Variants in HEATR1 observed in about 807,000 individuals in gnomAD.
The protein encoded by HEATR1 is HEAT repeat-containing protein 1.
HEATR1 carries 77 observed loss-of-function variants against 248.2 expected under a neutral mutation model. The ratio of observed to expected loss-of-function variants is 0.31; its 90% CI spans 0.26 to 0.37. HEATR1 has a LOEUF of 0.37. Among genes scored for constraint, HEATR1 ranks in the 10% least tolerant of loss-of-function variants. HEATR1 has a pLI of 1.00. For synonymous variants in HEATR1, 897 were observed against 923.1 expected, an observed-to-expected ratio of 0.97 and a Z score of 0.51; for missense variants, 2,420 against 2,504.9, an observed-to-expected ratio of 0.97 and a Z score of 0.72.
chr1:236,598,536 A>C (rs1664234762), intron 4 of HEATR1, among the ~76,000 whole-genome samples: 1 of 152,208 alleles, frequency 6.6e-6, no homozygotes, highest in Non-Finnish European at 1.5e-5. Flanking sequence ...TCCAAGGTAG[A>C]TTAGAGGAAG....
At chr1:236,574,562 T>A in intron 23 of HEATR1, 99 bp downstream of exon 23, 1 of 1,405,088 alleles carries the variant, frequency 7.1e-7, no homozygotes, top group Non-Finnish European at 9.6e-7. Context: ...CTTCTCCAAA[T>A]AAAATATTAA....
chr1:236,581,100 G>A, intron 20 of HEATR1, 122 bp downstream of exon 20: 1 of 753,292 alleles, frequency 1.3e-6, no homozygotes, highest in Non-Finnish European at 2.1e-6. Flanking sequence ...TTACAGGCGT[G>A]AGATACCGCG....
At chr1:236,574,116 A>G in intron 24 of HEATR1, 86 bp downstream of exon 24, 2 of 1,241,518 alleles carry the variant, frequency 1.6e-6, no homozygotes, top group Non-Finnish European at 2.2e-6. Flanking sequence ...TACAAGCACT[A>G]TAAAATACAG....
Position 236,571,617 on chromosome 1 carries a change from C to T in HEATR1, c.3777G>A (p.Leu1259=). ...GAGATAGTTTTTGGCAGATGTTGAG[C>T]AGACAACTAAGAATTAATTGTTTGG... ...EYTKQLILSC[L]LNICQKLSPD... is the part of the protein sequence containing the mutation. Residue 1259 remains leucine (L), a synonymous_variant, in exon 27 of 45, where the codon CTG becomes CTA. Coordinates refer to ENST00000366582, the MANE Select transcript of HEATR1 (RefSeq NM_018072.6). 1.9e-6 allele frequency: 3 copies of T among 1,614,138 alleles called. No homozygotes were observed. The highest frequency in any genetic ancestry group is 2.5e-6 in the Non-Finnish European group (3 of 1,179,942).
At chr1:236,585,781 G>T (rs374037881) in intron 16 of HEATR1, 39 bp downstream of exon 16, 10 of 1,597,122 alleles carry the variant, frequency 6.3e-6, no homozygotes, top group Non-Finnish European at 7.7e-6. Context: ...AAGAGTATGA[G>T]AAAGAAATCC....
chr1:236,563,272 C>CT (rs1046287964), intron 32 of HEATR1, among the ~76,000 whole-genome samples: 5 of 151,806 alleles, frequency 3.3e-5, no homozygotes, highest in South Asian at 4.2e-4. Context: ...GAGTTTTTTC[C>CT]TTTTTTTTAT....
rs1664268351 is a variant in HEATR1 at position 236,599,757 on chromosome 1, A to G, written c.360-133T>C. 5.0e-6 allele frequency: 4 copies of G among 799,642 alleles called. No homozygotes were observed. The South Asian group carries it at 7.1e-5, about 14-fold the overall frequency. 49.5% of individuals were successfully genotyped at this position (799,642 alleles called of 1,614,324 possible). A position where few individuals can be genotyped will look rare whatever the true frequency, so the allele number is the denominator to read the frequency against. On this transcript the variant is annotated intron_variant, in intron 3 of 44. Coordinates refer to ENST00000366582, the MANE Select transcript of HEATR1 (RefSeq NM_018072.6). ...GAGTAGCAGTAAAAATCACAAAATT[A>G]TAAGATACAGAGCATTTAAAAAGTC...
chr1:236,592,560 C>G lies in HEATR1; in HGVS notation c.1267G>C (p.Glu423Gln), dbSNP rs1176770420. The G allele has an allele frequency of 1.3e-6, 2 of 1,507,028 alleles. No homozygotes were observed. Among genetic ancestry groups the G allele is most frequent in the Admixed American group, 3.4e-5 (2 of 59,172 alleles). The allele number at this position is 1,507,028 out of a possible 1,614,324, so 93.4% of individuals were successfully genotyped here. ...MDSNKVSLLN[E>Q]QFLPLIRLLE... ...AGCCTAATGAGTGGAAGAAATTGTT[C>G]ATTAAGCAAAGACACTTTATTAGAA... is the stretch of plus-strand genomic sequence containing the variant. Residue 423 changes from glutamate (E) to glutamine (Q), a missense_variant, in exon 10 of 45, where the codon GAA (glutamate) becomes CAA (glutamine). Glu to Gln is a conservative substitution (Grantham distance 29). Transcript: ENST00000366582.
chr1:236,586,186 GTTTTC>G (rs1663879464), intron 15 of HEATR1, 50 bp downstream of exon 15: 3 of 1,418,050 alleles, frequency 2.1e-6, no homozygotes, highest in Admixed American at 4.6e-5. Flanking sequence ...AATTTTCCTT[GTTTTC>G]TTTTGTGTTA....
Position 236,574,802 on chromosome 1 carries a change from G to A in HEATR1, c.3186C>T (p.Leu1062=). The A allele has an allele frequency of 1.2e-6, 2 of 1,614,024 alleles. No homozygotes were observed. The highest frequency in any genetic ancestry group is 1.7e-6 in the Non-Finnish European group (2 of 1,179,898). ...VLKDEAMVLH[L]TLGKYNEFSV... is the part of the protein sequence containing the mutation. ...AAAATTCATTATACTTTCCCAGAGT[G>A]AGATGCAGAACCATGGCCTCATCTT... Residue 1062 remains leucine, a synonymous_variant, in exon 23 of 45, where the codon CTC becomes CTT. Coordinates refer to ENST00000366582, the MANE Select transcript of HEATR1 (RefSeq NM_018072.6).
Position 236,555,952 on chromosome 1 carries a change from C to T in HEATR1, c.5515-13G>A, listed in dbSNP as rs779315262. On this transcript the variant is annotated splice_polypyrimidine_tract_variant and intron_variant, in intron 38 of 44. Coordinates refer to ENST00000366582, the MANE Select transcript of HEATR1 (RefSeq NM_018072.6). ...GACCCATGTGATTCTACCAATAACA[C>T]AGGAAAGAGATGTGCCATTTTCAAA... 3.7e-6 allele frequency: 6 copies of T among 1,613,492 alleles called. No individual in the cohort carries two copies. The highest frequency in any genetic ancestry group is 5.1e-6 in the Non-Finnish European group (6 of 1,179,374).
chr1:236,554,822 G>C, intron 41 of HEATR1, 70 bp from the exon 42 acceptor site: 1 of 1,309,182 alleles, frequency 7.6e-7, no homozygotes, highest in Non-Finnish European at 1.1e-6. Context: ...TGTTTACATT[G>C]AAATCACTAT....
At position 236,558,339 on chromosome 1, in the gene HEATR1, G is replaced by A. The variant is rs538257249; in HGVS notation, c.5102C>T (p.Ala1701Val). 1.2e-5 allele frequency: 20 copies of A among 1,614,122 alleles called. No homozygotes were observed. In the Admixed American group the frequency reaches 2.7e-4, roughly 22 times the overall value. The part of the protein sequence containing the change: ...PVLNTAVKLI[A>V]PERKEEKNVL... ...ATTCTTCTCCTCCTTTCTCTCTGGA[G>A]CAATCAGTTTCACAGCAGTGTTCAG... Residue 1701 changes from alanine (A) to valine (V), a missense_variant, in exon 36 of 45, where the codon GCT (alanine) becomes GTT (valine). Transcript: ENST00000366582.
intron 25 of HEATR1, 26 bp from the exon 26 acceptor site, chr1:236,572,580 T>C (rs1041466522): frequency 8.1e-6 from 13 of 1,612,844 alleles, no homozygotes; most frequent in Middle Eastern, 3.3e-4. Flanking sequence ...GACAAAACGT[T>C]GGAAAAGCAA....
At chr1:236,594,203 CAG>C (rs1664116047) in intron 8 of HEATR1, 89 bp from the exon 9 acceptor site, 1 of 764,352 alleles carries the variant, frequency 1.3e-6, no homozygotes, top group African/African-American at 1.8e-5. Flanking sequence ...AAATCGTTCT[CAG>C]AATAAAACAC....
At chr1:236,573,384 TG>T (rs1277693029) in intron 24 of HEATR1, among the ~76,000 whole-genome samples, 1 of 152,170 alleles carries the variant, frequency 6.6e-6, no homozygotes, top group Non-Finnish European at 1.5e-5. Context: ...TCTTTAGATA[TG>T]GGGTGGGATC....
rs192843426 is a variant in HEATR1 at position 236,564,358 on chromosome 1, C to T, written c.4599+140G>A. The stretch of plus-strand genomic sequence containing the variant: ...TGACGAACGGCTTTTCATGGTGAAA[C>T]GTACTTTCTTGTTCTATTATCTTTA... On this transcript the variant is annotated intron_variant, in intron 32 of 44. Transcript: ENST00000366582. The T allele has an allele frequency of 1.6e-4, 109 of 664,606 alleles. 1 individual carries two copies. Among genetic ancestry groups the T allele is most frequent in the African/African-American group, 1.2e-3 (64 of 55,016 alleles). The allele number at this position is 664,606 out of a possible 1,614,324, so 41.2% of individuals were successfully genotyped here.
rs1379540237 is a variant in HEATR1 at position 236,569,048 on chromosome 1, C to G, written c.4025G>C (p.Ser1342Thr). The G allele has an allele frequency of 6.2e-7, 1 of 1,610,280 alleles. No individual in the cohort carries two copies. The highest frequency in any genetic ancestry group is 1.7e-5 in the Admixed American group (1 of 59,478). ...CACTGTCTTGTTAATAACTTGAAAA[C>G]TGTAAGTATCATCTAGGCGCATGAC... The part of the protein sequence containing the change: ...ANVMRLDDTY[S>T]FQVINKTVKM... The change falls in exon 29 of 45, where the codon AGT (serine) becomes ACT (threonine). Residue 1342 changes from serine (S) to threonine (T), a missense_variant. Physicochemically the swap from Ser to Thr is moderately conservative, Grantham distance 58 (BLOSUM62 1). Transcript: ENST00000366582.
At chr1:236,566,105 C>A in intron 30 of HEATR1, 60 bp from the exon 31 acceptor site, 1 of 1,534,944 alleles carries the variant, frequency 6.5e-7, no homozygotes, top group Admixed American at 1.8e-5. Context: ...GGCATAATTT[C>A]AGGATAATGT....
Sources: allele counts gnomAD v4.1 joint callset (sites outside exome capture counted in the v4.1 genomes callset), GRCh38; gene constraint gnomAD v4.1.1; transcripts MANE v1.5; gene names NCBI Gene and HGNC (gene_info 2026-07-23, HGNC 2026-07-21).